Variants in RADX observed in about 807,000 individuals in gnomAD.
RADX encodes RPA-related protein RADX.
A neutral mutation model predicts 61.6 loss-of-function variants in RADX; 36 were observed. That is an observed-to-expected ratio of 0.58 (90% CI 0.45 to 0.77). The LOEUF is 0.77. Among genes scored for constraint, RADX ranks in the 30% least tolerant of loss-of-function variants. The pLI is 0.00. For synonymous variants in RADX, 272 were observed against 237.9 expected, an observed-to-expected ratio of 1.14 and a Z score of -1.32; for missense variants, 497 against 651.1, an observed-to-expected ratio of 0.76 and a Z score of 2.58.
At chrX:106,657,514 A>G (rs1489218295) in intron 11 of RADX, among the ~76,000 whole-genome samples, 5 of 112,300 alleles carry the variant, frequency 4.5e-5, no homozygotes, top group South Asian at 3.6e-4. Context: ...TTTTCAGCCT[A>G]TCTTGTTTTT....
In RADX at chrX:106,612,332, C is replaced by T. The variant is rs753421133; in HGVS notation, c.252C>T (p.Arg84=). 1.7e-6 allele frequency: 2 copies of T among 1,211,720 alleles called. No individual in the cohort carries two copies. Among genetic ancestry groups the T allele is most frequent in the East Asian group, 3.0e-5 (1 of 33,816 alleles). Residue 84 remains arginine (R), a synonymous_variant, in exon 1 of 14, where the codon CGC becomes CGT. Transcript: ENST00000372548. ...VQRYLLEDEP[R]DTVPKPPLYC... Reference sequence around the variant, plus strand: ...GGTACCTGTTAGAGGATGAGCCACGCGACACGGTGCCCAAGCCTCCCCTTT... The same window carrying T: ...GGTACCTGTTAGAGGATGAGCCACGTGACACGGTGCCCAAGCCTCCCCTTT...
rs372633270 is a variant in RADX at position 106,633,221 on chromosome X, G to C, written c.1272G>C (p.Ser424=). Residue 424 remains serine (S), a synonymous_variant, in exon 6 of 14, where the codon TCG becomes TCC. Coordinates refer to ENST00000372548, the MANE Select transcript of RADX (RefSeq NM_018015.6). The part of the protein sequence containing the change: ...QPFIVELFST[S]QPEIFENIYP... ...TTATAGTGGAACTGTTTTCAACATC[G>C]CAGCCAGAAATCTTTGAAAATATTT... 8.3e-7 allele frequency: 1 copy of C among 1,201,509 alleles called. No homozygotes were observed. The highest frequency in any genetic ancestry group is 1.1e-6 in the Non-Finnish European group (1 of 889,345).
At chrX:106,626,372 C>T (rs1318576121) in intron 3 of RADX, among the ~76,000 whole-genome samples, 1 of 111,622 alleles carries the variant, frequency 9.0e-6, no homozygotes, top group East Asian at 2.8e-4. Context: ...AAATCTTAAG[C>T]GTTTTGCAGA....
chrX:106,643,162 G>A (rs1314679477), intron 10 of RADX, among the ~76,000 whole-genome samples: 5 of 110,983 alleles, frequency 4.5e-5, no homozygotes, highest in African/African-American at 6.6e-5. Flanking sequence ...TCTTTTGCCC[G>A]CTTTTTATTG....
rs1433305621 is a variant in RADX at position 106,633,040 on chromosome X, G to A, written c.1180+17G>A. On this transcript the variant is annotated intron_variant, in intron 5 of 13. Transcript: ENST00000372548. ...AAAAGAAAGGTAAGCTTTTAAAATT[G>A]AAAATCATAAAAAGTATTTCAGTGA... The A allele has an allele frequency of 8.4e-7, 1 of 1,189,987 alleles. No homozygotes were observed. Among genetic ancestry groups the A allele is most frequent in the South Asian group, 1.8e-5 (1 of 55,771 alleles).
chrX:106,673,313 C>G (rs1205347128), intron 13 of RADX, among the ~76,000 whole-genome samples: 1 of 110,230 alleles, frequency 9.1e-6, no homozygotes, highest in Non-Finnish European at 1.9e-5. Flanking sequence ...GCGGGTTATT[C>G]AGGGCCCAAG....
chrX:106,640,324 C>A, intron 9 of RADX: 1 of 294,560 alleles, frequency 3.4e-6, no homozygotes, highest in Non-Finnish European at 5.9e-6. Flanking sequence ...AGTGTTTAAT[C>A]CAGCTTTTCA....
intron 10 of RADX, among the ~76,000 whole-genome samples, chrX:106,646,129 C>T (rs1314643345): frequency 3.6e-5 from 4 of 111,050 alleles, no homozygotes; most frequent in South Asian, 3.8e-4. Context: ...GCTACTCCTA[C>T]GGTTTTTTGG....
At position 106,654,817 on chromosome X, in the gene RADX, AC is replaced by A. The variant is rs769342363; in HGVS notation, c.1978+6433del. 1.4e-3 allele frequency among the ~76,000 whole-genome samples: 160 copies of A among 111,922 alleles called. 1 individual carries two copies. The highest frequency in any genetic ancestry group is 5.1e-3 in the African/African-American group (157 of 30,861). On this transcript the variant is annotated intron_variant, in intron 11 of 13. Transcript: ENST00000372548. The stretch of plus-strand genomic sequence containing the variant: ...AAACTATCATCAGAGTGAACAGGCA[AC>A]CTACAGAATGGGAGAAAATTTTTGC...
intron 3 of RADX, among the ~76,000 whole-genome samples, chrX:106,628,352 G>A (rs1447666380): frequency 2.7e-5 from 3 of 111,851 alleles, no homozygotes; most frequent in Non-Finnish European, 1.9e-5. Flanking sequence ...ATAAGGAAAT[G>A]AATAAAAATG....
chrX:106,651,760 G>A (rs1300579946), intron 11 of RADX, among the ~76,000 whole-genome samples: 2 of 110,703 alleles, frequency 1.8e-5, no homozygotes, highest in African/African-American at 6.6e-5. Flanking sequence ...TTAAGATCAA[G>A]CTGAAAGAAT....
At chrX:106,612,791 A>G (rs1228857327) in intron 1 of RADX, 68 bp downstream of exon 1, 1 of 1,039,376 alleles carries the variant, frequency 9.6e-7, no homozygotes, top group Non-Finnish European at 1.3e-6. Context: ...CGTGAACGGG[A>G]AAGGAAATGA....
rs1195944375 is a variant in RADX, at chrX:106,633,224, G to A, written c.1275G>A (p.Gln425=). 8.3e-7 allele frequency: 1 copy of A among 1,203,669 alleles called. No individual in the cohort carries two copies. The highest frequency in any genetic ancestry group is 2.2e-5 in the Admixed American group (1 of 45,694). Residue 425 remains glutamine (Q), a synonymous_variant, in exon 6 of 14, where the codon CAG becomes CAA. Coordinates refer to ENST00000372548, the MANE Select transcript of RADX (RefSeq NM_018015.6). ...PFIVELFSTS[Q]PEIFENIYPM... is the part of the protein sequence containing the mutation. ...TAGTGGAACTGTTTTCAACATCGCA[G>A]CCAGAAATCTTTGAAAATATTTACC...
At position 106,631,299 on chromosome X, in the gene RADX, A is replaced by G. The variant is rs1418567289; in HGVS notation, c.980-1326A>G. Among the ~76,000 whole-genome samples the G allele has an allele frequency of 2.7e-5, 3 of 112,271 alleles. No individual in the cohort carries two copies. In the Admixed American group the frequency reaches 2.8e-4, roughly 11 times the overall value. On this transcript the variant is annotated intron_variant, in intron 3 of 13. Transcript: ENST00000372548. ...TGGGCAAAAGACCAAGGCATTTCAC[A>G]GAAGAGAATGCATATATGAACCATA...
chrX:106,665,303 A>C (rs755248615), intron 12 of RADX, among the ~76,000 whole-genome samples: 2 of 112,068 alleles, frequency 1.8e-5, no homozygotes, highest in East Asian at 5.6e-4. Context: ...CAGGCCATAC[A>C]ATTTCTTTTG....
At chrX:106,642,660 A>T (rs1017376815) in intron 10 of RADX, among the ~76,000 whole-genome samples, 2 of 111,902 alleles carry the variant, frequency 1.8e-5, no homozygotes, top group African/African-American at 6.5e-5. Flanking sequence ...CTGTTGATGG[A>T]CATGTAGGTT....
chrX:106,645,944 G>A (rs890512745), intron 10 of RADX, among the ~76,000 whole-genome samples: 15 of 110,503 alleles, frequency 1.4e-4, no homozygotes, highest in Admixed American at 5.8e-4. Flanking sequence ...AGTGTTGGGT[G>A]CATACATATT....
At chrX:106,676,731 C>A (rs1478168174) in intron 13 of RADX, among the ~76,000 whole-genome samples, 1 of 111,787 alleles carries the variant, frequency 8.9e-6, no homozygotes, top group African/African-American at 3.3e-5. Context: ...TGTAAATTGA[C>A]CTGGAGTGGT....
At chrX:106,675,804 T>G (rs951830522) in intron 13 of RADX, among the ~76,000 whole-genome samples, 1 of 112,422 alleles carries the variant, frequency 8.9e-6, no homozygotes, top group East Asian at 2.8e-4. Flanking sequence ...TAAAGAATTT[T>G]TATGATATAA....
Sources: allele counts gnomAD v4.1 joint callset (sites outside exome capture counted in the v4.1 genomes callset), GRCh38; gene constraint gnomAD v4.1.1; transcripts MANE v1.5; gene names NCBI Gene and HGNC (gene_info 2026-07-23, HGNC 2026-07-21).